ERAP1: variants seen among roughly 807,000 people sequenced by gnomAD.
ERAP1 encodes the protein adipocyte-derived leucine aminopeptidase.
In ERAP1, 86 loss-of-function variants were observed where a neutral mutation model predicts 103.7. That is an observed-to-expected ratio of 0.83 (90% CI 0.70 to 0.99). The LOEUF is 0.99. Among genes scored for constraint, ERAP1 ranks in the 50% least tolerant of loss-of-function variants. The pLI is 0.00. For missense variants in ERAP1, 1,009 were observed against 1,128.4 expected (o/e 0.89, Z 1.52); for synonymous variants, 398 against 402.4 (o/e 0.99, Z 0.13).
At chr5:96,781,588 C>A in intron 16 of ERAP1, 105 bp downstream of exon 16, 1 of 1,428,178 alleles carries the variant, frequency 7.0e-7, no homozygotes, top group Non-Finnish European at 9.8e-7. Context: ...ATGTTCCCAG[C>A]AGGATAGGCA....
chr5:96,806,629 T>C (rs1292803702), intron 1 of ERAP1, among the ~76,000 whole-genome samples: 12 of 52,434 alleles, frequency 2.3e-4, no homozygotes, highest in African/African-American at 2.3e-4. Context: ...CCCTCTTTTT[T>C]TTTTTTTTTT....
At chr5:96,902,200 TGTCTGA>T in the ERAP1 span, 1 of 1,024,752 alleles carries the variant, frequency 9.8e-7, no homozygotes, top group Non-Finnish European at 1.5e-6. Context: ...TTTTACAGTC[TGTCTGA>T]GTCTGACAAT....
Position 96,783,851 on chromosome 5 carries a change from ACACATACACACAC to A in ERAP1, c.2100+60_2100+72del. Reference sequence around the variant, plus strand: ...CACACACACACACACACACACACACACACATACACACACAATGATTAACACTTTTTAACACAAA... The same window carrying A: ...CACACACACACACACACACACACACAAATGATTAACACTTTTTAACACAAA... On this transcript the variant is annotated intron_variant, in intron 14 of 18. Coordinates refer to ENST00000443439, the MANE Select transcript of ERAP1 (RefSeq NM_001040458.3). 3 of 397,132 alleles carry A rather than the reference ACACATACACACAC, an allele frequency of 7.6e-6. 1 individual carries two copies. Among genetic ancestry groups the A allele is most frequent in the Non-Finnish European group, 9.9e-6 (3 of 301,742 alleles). The allele number at this position is 397,132 out of a possible 1,614,324, so 24.6% of individuals were successfully genotyped here.
Position 96,776,549 on chromosome 5 carries a change from T to C in ERAP1, c.2673A>G (p.Val891=), listed in dbSNP as rs1213261191. ...CTTTCAAAGAGCTGAAGAATCCTTT[T>C]ACCTTGTGAGGAAAAAGTGGGTTTT... ...QFSTRTRLEE[V]KGFFSSLKEN... is the part of the protein sequence containing the mutation. The change falls in exon 19 of 19, where the codon GTA becomes GTG. Residue 891 remains valine, a splice_region_variant and synonymous_variant. Coordinates refer to ENST00000443439, the MANE Select transcript of ERAP1 (RefSeq NM_001040458.3). The C allele has an allele frequency of 2.4e-5, 38 of 1,613,812 alleles. No individual in the cohort carries two copies. The highest frequency in any genetic ancestry group is 3.2e-5 in the Non-Finnish European group (38 of 1,179,934).
In ERAP1 at chr5:96,783,818, TACAC is replaced by T. The variant is rs3076640; in HGVS notation, c.2100+102_2100+105del. 7,956 of 799,056 alleles carry T rather than the reference TACAC, an allele frequency of 1.0e-2. 29 individuals carry two copies. The highest frequency in any genetic ancestry group is 0.039 in the African/African-American group (2,032 of 52,554). The allele number at this position is 799,056 out of a possible 1,614,324, so 49.5% of individuals were successfully genotyped here. A position where few individuals can be genotyped will look rare whatever the true frequency, so the allele number is the denominator to read the frequency against. ...CTTTTCCTTAATATGTATATAAAGATACACACACACACACACACACACACACACA... is the reference window on the plus strand; with the variant it reads ...CTTTTCCTTAATATGTATATAAAGATACACACACACACACACACACACACA... On this transcript the variant is annotated intron_variant, in intron 14 of 18. Transcript: ENST00000443439.
the ERAP1 span, among the ~76,000 whole-genome samples, chr5:96,850,726 T>C: frequency 6.6e-6 from 1 of 152,172 alleles, no homozygotes; most frequent in Admixed American, 6.6e-5. Context: ...CATCACATTA[T>C]ACCCCATAAA....
chr5:96,780,073 G>A (rs377385327), intron 18 of ERAP1, among the ~76,000 whole-genome samples: 8 of 152,168 alleles, frequency 5.3e-5, no homozygotes, highest in Non-Finnish European at 1.2e-4. Context: ...CCTAGATTCC[G>A]GACCTGCCTC....
the ERAP1 span, chr5:96,901,544 G>C: frequency 9.9e-6 from 16 of 1,614,048 alleles, no homozygotes; most frequent in Non-Finnish European, 1.4e-5. Flanking sequence ...TCAAAGAGAT[G>C]ATGACTACAT....
At chr5:96,829,125 C>T in the ERAP1 span, among the ~76,000 whole-genome samples, 1 of 152,184 alleles carries the variant, frequency 6.6e-6, no homozygotes, top group African/African-American at 2.4e-5. Flanking sequence ...GGATTATAGG[C>T]GTCAGCCATC....
At chr5:96,779,290 A>G (rs1774816730) in intron 18 of ERAP1, 1 of 152,244 alleles carries the variant, frequency 6.6e-6, no homozygotes, top group Admixed American at 6.5e-5. Flanking sequence ...ATGAGAATAC[A>G]AGTGAATGAA....
chr5:96,794,127 T>C (rs1777050247), intron 5 of ERAP1, among the ~76,000 whole-genome samples, 170 bp from the exon 6 acceptor site: 1 of 145,036 alleles, frequency 6.9e-6, no homozygotes, highest in African/African-American at 2.5e-5. Context: ...TGACTCAGCA[T>C]CACTTTGCTA....
At chr5:96,840,564 C>T in the ERAP1 span, among the ~76,000 whole-genome samples, 1 of 152,082 alleles carries the variant, frequency 6.6e-6, no homozygotes, top group Non-Finnish European at 1.5e-5. Context: ...TCTCTAAATC[C>T]CTTAATAATG....
upstream of ERAP1, among the ~76,000 whole-genome samples, chr5:96,810,742 C>G (rs5006595): frequency 0.016 from 2,501 of 152,284 alleles, 62 homozygotes; most frequent in African/African-American, 0.057. Context: ...TATTACTGAT[C>G]TACTTAAAAA....
At chr5:96,917,744 A>G in the ERAP1 span, 38,262 of 513,608 alleles carry the variant, frequency 0.074, 1,694 homozygotes, top group Middle Eastern at 0.14. Context: ...GTCTCCGCTA[A>G]AAATACAAAA....
the ERAP1 span, among the ~76,000 whole-genome samples, chr5:96,921,014 A>G: frequency 6.6e-6 from 1 of 152,220 alleles, no homozygotes; most frequent in Non-Finnish European, 1.5e-5. Flanking sequence ...GTAATATTTA[A>G]GTTACCACTT....
the ERAP1 span, among the ~76,000 whole-genome samples, chr5:96,862,247 C>G: frequency 6.6e-6 from 1 of 152,192 alleles, no homozygotes; most frequent in African/African-American, 2.4e-5. Flanking sequence ...CCTCAGCCTC[C>G]CAGAGTGCTG....
intron 6 of ERAP1, 35 bp downstream of exon 6, chr5:96,793,768 T>C (rs1187383168): frequency 6.3e-7 from 1 of 1,576,192 alleles, no homozygotes; most frequent in Non-Finnish European, 8.7e-7. Flanking sequence ...ATAAATGTAG[T>C]TTATACTTTA....
At chr5:96,893,030 C>T in the ERAP1 span, among the ~76,000 whole-genome samples, 8 of 151,964 alleles carry the variant, frequency 5.3e-5, no homozygotes, top group Non-Finnish European at 4.4e-5. Flanking sequence ...GGAAAGTGTG[C>T]GGATCACATA....
At chr5:96,794,929 T>C (rs1449681856) in intron 5 of ERAP1, 113 bp downstream of exon 5, 6 of 1,320,124 alleles carry the variant, frequency 4.5e-6, no homozygotes, top group Non-Finnish European at 5.3e-6. Context: ...CTTGCTGGGG[T>C]TTTTGTGGCT....
Sources: gnomAD v4.1 joint callset for allele counts (sites outside exome capture counted in the v4.1 genomes callset) on GRCh38, gnomAD v4.1.1 for gene constraint, MANE v1.5 for transcripts, NCBI Gene and HGNC (gene_info 2026-07-23, HGNC 2026-07-21) for gene names.